The following CELF2 variants were observed in gnomAD, a reference collection of about 807,000 sequenced individuals.
CELF2 encodes CUGBP Elav-like family member 2, also known as CUG triplet repeat RNA-binding protein 2.
In CELF2, 8 loss-of-function variants were observed where a neutral mutation model predicts 62.6. The ratio of observed to expected loss-of-function variants is 0.13; its 90% CI spans 0.07 to 0.23. The LOEUF (loss-of-function observed/expected upper bound fraction) is 0.23, where lower values mean the gene tolerates loss of function less well. CELF2 is among the 10% of genes least tolerant of loss of function. The pLI is 1.00. For missense variants in CELF2, 333 were observed against 671.0 expected, an observed-to-expected ratio of 0.50 and a Z score of 5.56; for synonymous variants, 258 against 250.0, an observed-to-expected ratio of 1.03 and a Z score of -0.30.
the CELF2 span, among the ~76,000 whole-genome samples, chr10:10,653,758 G>A: frequency 1.3e-5 from 2 of 148,434 alleles, no homozygotes; most frequent in Non-Finnish European, 3.0e-5. Context: ...GCCCACAAGA[G>A]AAAGCAGGAA....
intron 9 of CELF2, among the ~76,000 whole-genome samples, chr10:11,307,072 A>G (rs144718104): frequency 5.9e-5 from 9 of 152,212 alleles, no homozygotes; most frequent in East Asian, 1.9e-4. Context: ...ACATGAGAGC[A>G]GTGTGTGGCA....
At position 11,324,788 on chromosome 10, in the gene CELF2, C is replaced by A. The variant is rs2095635352; in HGVS notation, c.1295-1048C>A. On this transcript the variant is annotated intron_variant, in intron 11 of 12. Coordinates refer to ENST00000633077, the MANE Select transcript of CELF2 (RefSeq NM_001326342.2). The surrounding 1 kb of genome is among the most constrained non-coding windows in gnomAD (Gnocchi z 4.7). ...GACACCCTTCCCACATCTAGGGACC[C>A]CAGTGCAGCTATCCCCTGGGGTTGC... Among the ~76,000 whole-genome samples the A allele has an allele frequency of 6.6e-6, 1 of 152,202 alleles. No individual in the cohort carries two copies. Among genetic ancestry groups the A allele is most frequent in the African/African-American group, 2.4e-5 (1 of 41,450 alleles).
chr10:10,742,589 CAA>C, the CELF2 span, among the ~76,000 whole-genome samples: 50,736 of 127,868 alleles, frequency 0.4, 8,684 homozygotes, highest in South Asian at 0.55. Flanking sequence ...GACTTTGTTG[CAA>C]AAAAAAAAAA....
intron 4 of CELF2, 47 bp from the exon 5 acceptor site, chr10:11,257,691 A>C: frequency 6.2e-7 from 1 of 1,601,878 alleles, no homozygotes; most frequent in Middle Eastern, 1.7e-4. Flanking sequence ...GATTACAAGA[A>C]AAAAAGATGA....
intron 1 of CELF2, among the ~76,000 whole-genome samples, chr10:10,905,658 C>T (rs1342651187): frequency 6.6e-6 from 1 of 151,624 alleles, no homozygotes; most frequent in African/African-American, 2.4e-5. Flanking sequence ...GCAGGCAGAT[C>T]ACGAGGTCAG....
At chr10:11,143,169 A>G (rs968594899) in intron 1 of CELF2, among the ~76,000 whole-genome samples, 1 of 152,148 alleles carries the variant, frequency 6.6e-6, no homozygotes, top group Non-Finnish European at 1.5e-5. Flanking sequence ...TGTAATGGAC[A>G]CTTTTCCATT....
At chr10:11,105,361 G>A (rs2053125821) in intron 1 of CELF2, 1 of 152,172 alleles carries the variant, frequency 6.6e-6, no homozygotes, top group South Asian at 2.1e-4. Flanking sequence ...GAATAATTAA[G>A]TTACCTATCC....
intron 2 of CELF2, among the ~76,000 whole-genome samples, chr10:10,929,414 G>A (rs2135082359): frequency 6.6e-6 from 1 of 152,324 alleles, no homozygotes; most frequent in East Asian, 1.9e-4. Context: ...ATCAATAGGT[G>A]GTAGCTGTTA....
chr10:11,103,074 T>A (rs1041019209), intron 1 of CELF2, among the ~76,000 whole-genome samples: 2 of 152,148 alleles, frequency 1.3e-5, no homozygotes, highest in Admixed American at 1.3e-4. Flanking sequence ...ATGCATCAAC[T>A]TCTCAGCAAG....
At chr10:11,182,696 C>G (rs1179739375) in intron 2 of CELF2, among the ~76,000 whole-genome samples, 1 of 152,126 alleles carries the variant, frequency 6.6e-6, no homozygotes, top group South Asian at 2.1e-4. Flanking sequence ...TTTAAGCTGC[C>G]CCTTTTAATT....
the CELF2 span, among the ~76,000 whole-genome samples, chr10:10,757,148 A>G: frequency 1.3e-5 from 2 of 151,620 alleles, no homozygotes; most frequent in South Asian, 2.1e-4. Context: ...TCTCAAAAAC[A>G]AAACACACAA....
chr10:10,931,966 G>A lies in CELF2; in HGVS notation c.89+11967G>A, dbSNP rs1323216064. Among the ~76,000 whole-genome samples the A allele has an allele frequency of 2.0e-5, 3 of 152,076 alleles. No individual in the cohort carries two copies. Among genetic ancestry groups the A allele is most frequent in the Non-Finnish European group, 4.4e-5 (3 of 68,024 alleles). ...CCTTTATAAAACCATCACATCTCATGAGTCTTATTCACTATCATGAGAACA... is the reference window on the plus strand; with the variant it reads ...CCTTTATAAAACCATCACATCTCATAAGTCTTATTCACTATCATGAGAACA... On this transcript the variant is annotated intron_variant, in intron 2 of 13. Coordinates refer to the CELF2 transcript ENST00000636488. The surrounding 1 kb of genome is among the most constrained non-coding windows in gnomAD (Gnocchi z 6.1).
At chr10:11,158,500 A>G (rs1174584935) in intron 1 of CELF2, among the ~76,000 whole-genome samples, 4 of 152,034 alleles carry the variant, frequency 2.6e-5, no homozygotes, top group Admixed American at 2.6e-4. Flanking sequence ...TATTTCTGAT[A>G]AATCACAGAA....
rs769843243 is a variant in CELF2, at chr10:10,989,968, C to G, written c.89+69969C>G. 1.0e-3 allele frequency among the ~76,000 whole-genome samples: 152 copies of G among 152,158 alleles called. No homozygotes were observed. The Middle Eastern group carries it at 0.01, about 10-fold the overall frequency. ...GTACAAATTTAAAATTAACAGTACA[C>G]TTGAGAATAGCAAGCCACTCTTGTA... is the stretch of plus-strand genomic sequence containing the variant. On this transcript the variant is annotated intron_variant, in intron 2 of 13. Transcript: ENST00000636488.
At chr10:10,508,961 A>G in the CELF2 span, among the ~76,000 whole-genome samples, 2 of 152,180 alleles carry the variant, frequency 1.3e-5, no homozygotes. Context: ...GGTGTGAGCC[A>G]CTGCGCCCGG....
intron 2 of CELF2, among the ~76,000 whole-genome samples, chr10:11,203,689 C>T (rs568910540): frequency 5.9e-5 from 9 of 152,306 alleles, no homozygotes; most frequent in African/African-American, 9.6e-5. Context: ...TAAAGTTGAT[C>T]GCTGTCAAAT....
At chr10:11,229,630 T>C (rs2067896249) in intron 3 of CELF2, among the ~76,000 whole-genome samples, 1 of 151,688 alleles carries the variant, frequency 6.6e-6, no homozygotes, top group Non-Finnish European at 1.5e-5. Flanking sequence ...AGTCTCGCTC[T>C]GTTGGCTGGA....
chr10:10,763,777 A>C, the CELF2 span, among the ~76,000 whole-genome samples: 1 of 152,216 alleles, frequency 6.6e-6, no homozygotes, highest in Admixed American at 6.5e-5. Context: ...GGAATATTCA[A>C]AATGCAAAAT....
At chr10:10,916,832 C>T (rs1198883860) in intron 1 of CELF2, among the ~76,000 whole-genome samples, 2 of 151,950 alleles carry the variant, frequency 1.3e-5, no homozygotes, top group Non-Finnish European at 2.9e-5. Context: ...AGGCTGGTCT[C>T]GAACTCCTGG....
Sources: allele counts gnomAD v4.1 joint callset (sites outside exome capture counted in the v4.1 genomes callset), GRCh38; gene constraint gnomAD v4.1.1; non-coding constraint Gnocchi (gnomAD v3.1); transcripts MANE v1.5; gene names NCBI Gene and HGNC (gene_info 2026-07-23, HGNC 2026-07-21).